SNX29: variants seen among roughly 807,000 people sequenced by gnomAD.
The protein encoded by SNX29 is sorting nexin 29.
In SNX29, 78 loss-of-function variants were observed where a neutral mutation model predicts 102.1. That is an observed-to-expected ratio of 0.76 (90% CI 0.64 to 0.92). SNX29 has a LOEUF of 0.92. SNX29 is among the 40% of genes least tolerant of loss of function. The pLI is 0.00. For synonymous variants in SNX29, 580 were observed against 414.5 expected (o/e 1.40, Z -4.85); for missense variants, 1,280 against 1,061.7 (o/e 1.21, Z -2.86).
At chr16:12,055,822 C>T (rs2050496774) in intron 8 of SNX29, among the ~76,000 whole-genome samples, 1 of 152,192 alleles carries the variant, frequency 6.6e-6, no homozygotes, top group South Asian at 2.1e-4. Context: ...TAATGTTTGA[C>T]CAAATACCTG....
rs1053826994 is a variant in SNX29 at position 12,227,370 on chromosome 16, C to T, written c.1678+27687C>T. 9.2e-5 allele frequency among the ~76,000 whole-genome samples: 14 copies of T among 152,260 alleles called. No homozygotes were observed. In the South Asian group the frequency reaches 1.2e-3, roughly 14 times the overall value. Reference sequence around the variant, plus strand: ...CCAGTGACAACGTGGAGTGGCTCCGCGGAAGATGGATGATACACACTTGTG... The same window carrying T: ...CCAGTGACAACGTGGAGTGGCTCCGTGGAAGATGGATGATACACACTTGTG... On this transcript the variant is annotated intron_variant, in intron 14 of 20. Coordinates refer to ENST00000566228, the MANE Select transcript of SNX29 (RefSeq NM_032167.5).
At chr16:12,528,475 C>G (rs1435163784) in intron 20 of SNX29, among the ~76,000 whole-genome samples, 3 of 152,206 alleles carry the variant, frequency 2.0e-5, no homozygotes, top group African/African-American at 7.2e-5. Flanking sequence ...GCTGCAATTA[C>G]AGGTGTGAGC....
intron 1 of SNX29, among the ~76,000 whole-genome samples, chr16:11,990,557 T>C (rs971526537): frequency 2.0e-5 from 3 of 152,058 alleles, no homozygotes; most frequent in African/African-American, 4.8e-5. Context: ...TTTGGAATGG[T>C]TGTGGATTTT....
At chr16:12,545,754 A>T (rs1395898121) in intron 20 of SNX29, among the ~76,000 whole-genome samples, 1 of 152,026 alleles carries the variant, frequency 6.6e-6, no homozygotes. Flanking sequence ...TTAACCTGAG[A>T]TGGAGAGGCA....
At chr16:12,170,607 C>G (rs542696350) in intron 13 of SNX29, among the ~76,000 whole-genome samples, 2 of 151,972 alleles carry the variant, frequency 1.3e-5, no homozygotes, top group East Asian at 3.9e-4. Flanking sequence ...GGGACGGAGG[C>G]TTCTGGGACT....
intron 4 of SNX29, 55 bp downstream of exon 4, chr16:12,027,499 TC>T (rs1267866453): frequency 1.3e-6 from 2 of 1,599,660 alleles, no homozygotes; most frequent in African/African-American, 1.3e-5. Context: ...CTGCTCTTTT[TC>T]TTTTTATTTA....
At chr16:11,979,222 C>T (rs531210141) in intron 1 of SNX29, among the ~76,000 whole-genome samples, 8 of 117,450 alleles carry the variant, frequency 6.8e-5, no homozygotes, top group South Asian at 2.8e-4. Flanking sequence ...TTGCAGTGAG[C>T]GGTGATCATG....
chr16:12,124,148 G>C (rs954376227), intron 11 of SNX29, among the ~76,000 whole-genome samples: 3 of 152,110 alleles, frequency 2.0e-5, no homozygotes, highest in Non-Finnish European at 4.4e-5. Context: ...ATGAGGTCAG[G>C]AGTTCAAGAC....
At chr16:12,533,515 C>A (rs941679023) in intron 20 of SNX29, among the ~76,000 whole-genome samples, 1 of 152,176 alleles carries the variant, frequency 6.6e-6, no homozygotes, top group African/African-American at 2.4e-5. Flanking sequence ...CAGAGAGCAG[C>A]CCGTCAGCCA....
At chr16:12,517,355 C>G (rs980272085) in intron 19 of SNX29, among the ~76,000 whole-genome samples, 1 of 152,204 alleles carries the variant, frequency 6.6e-6, no homozygotes, top group Non-Finnish European at 1.5e-5. Context: ...CTGTCTCCTC[C>G]TGGGAGCCCC....
At chr16:12,060,840 G>A (rs1260792054) in intron 8 of SNX29, 1 of 456,278 alleles carries the variant, frequency 2.2e-6, no homozygotes, top group African/African-American at 2.0e-5. Flanking sequence ...GTACTTTGTG[G>A]GTAAGGTGAC....
In SNX29 at chr16:12,569,891, G is replaced by T. The variant is rs143040860; in HGVS notation, c.*1262G>T. The T allele has an allele frequency of 1.3e-5, 3 of 231,152 alleles. No homozygotes were observed. Among genetic ancestry groups the T allele is most frequent in the East Asian group, 6.1e-5 (1 of 16,366 alleles). 14.3% of individuals were successfully genotyped at this position (231,152 alleles called of 1,614,324 possible). ...ATGCAAGAGTAAGTTTGTGTGTTTC[G>T]CCTTAATCTGAGGCAGAGACACAGC... On this transcript the variant is annotated 3_prime_UTR_variant, in exon 21 of 21. Transcript: ENST00000566228.
At chr16:12,370,818 C>G (rs1278464512) in intron 16 of SNX29, among the ~76,000 whole-genome samples, 2 of 152,198 alleles carry the variant, frequency 1.3e-5, no homozygotes, top group African/African-American at 4.8e-5. Flanking sequence ...TCATTGCTGT[C>G]TCTTTTCTGG....
chr16:12,111,562 A>T (rs2053502546), intron 11 of SNX29, among the ~76,000 whole-genome samples: 1 of 152,040 alleles, frequency 6.6e-6, no homozygotes. Flanking sequence ...GCCCCTTCCC[A>T]CTGCAAGGAA....
rs1597536508 is a variant in SNX29 at position 12,479,237 on chromosome 16, C to G, written c.2178+1378C>G. Reference sequence around the variant, plus strand: ...TGAGGACTGCCGTTCTATCTTTTGACAAAGCCATGTGGCAGATGCCATATG... The same window carrying G: ...TGAGGACTGCCGTTCTATCTTTTGAGAAAGCCATGTGGCAGATGCCATATG... On this transcript the variant is annotated intron_variant, in intron 19 of 20. Coordinates refer to ENST00000566228, the MANE Select transcript of SNX29 (RefSeq NM_032167.5). Among the ~76,000 whole-genome samples the G allele has an allele frequency of 3.3e-5, 5 of 152,216 alleles. No individual in the cohort carries two copies. In the South Asian group the frequency reaches 1.0e-3, roughly 31 times the overall value.
chr16:12,280,259 G>A (rs2079390178), intron 15 of SNX29, among the ~76,000 whole-genome samples: 6 of 152,226 alleles, frequency 3.9e-5, no homozygotes, highest in Admixed American at 3.9e-4. Context: ...AGTAGATGAG[G>A]GGAGAAAGGT....
At chr16:12,512,844 TGA>T (rs1255285122) in intron 19 of SNX29, among the ~76,000 whole-genome samples, 1 of 152,028 alleles carries the variant, frequency 6.6e-6, no homozygotes, top group African/African-American at 2.4e-5. Context: ...GCCTGGGGAG[TGA>T]GGGCGAGATG....
chr16:12,535,584 C>A (rs961885803), intron 20 of SNX29, among the ~76,000 whole-genome samples: 2 of 152,222 alleles, frequency 1.3e-5, no homozygotes, highest in East Asian at 3.9e-4. Context: ...TGGGTATGCA[C>A]GATTGGCAAG....
chr16:12,222,192 G>C (rs569515872), intron 14 of SNX29, among the ~76,000 whole-genome samples: 13 of 152,206 alleles, frequency 8.5e-5, no homozygotes, highest in Non-Finnish European at 1.8e-4. Context: ...CAAGGTCACA[G>C]AGCAAATTAG....
Sources: allele counts gnomAD v4.1 joint callset (sites outside exome capture counted in the v4.1 genomes callset), GRCh38; gene constraint gnomAD v4.1.1; transcripts MANE v1.5; gene names NCBI Gene and HGNC (gene_info 2026-07-23, HGNC 2026-07-21).